Variants in ADAM17 observed in about 807,000 individuals in gnomAD.
ADAM17 encodes disintegrin and metalloproteinase domain-containing protein 17.
In ADAM17, 39 loss-of-function variants were observed where a neutral mutation model predicts 96.7. That is an observed-to-expected ratio of 0.40 (90% CI 0.31 to 0.53). The LOEUF (loss-of-function observed/expected upper bound fraction) is 0.53, where lower values mean the gene tolerates loss of function less well. Ranked by LOEUF, ADAM17 falls within the 20% of genes least tolerant of loss-of-function variation. The pLI, the probability that ADAM17 is intolerant of heterozygous loss-of-function variation, is 0.44. For synonymous variants in ADAM17, 344 were observed against 359.2 expected, an observed-to-expected ratio of 0.96 and a Z score of 0.48; for missense variants, 777 against 1,013.2, an observed-to-expected ratio of 0.77 and a Z score of 3.17.
intron 12 of ADAM17, among the ~76,000 whole-genome samples, 196 bp from the exon 13 acceptor site, chr2:9,502,472 G>A (rs1663064472): frequency 6.6e-6 from 1 of 152,114 alleles, no homozygotes; most frequent in Non-Finnish European, 1.5e-5. Flanking sequence ...ATGTGCGTGA[G>A]GTCACATAAA....
chr2:9,554,506 TTCTG>T (rs1665681939), intron 1 of ADAM17, among the ~76,000 whole-genome samples: 1 of 152,300 alleles, frequency 6.6e-6, no homozygotes, highest in South Asian at 2.1e-4. Flanking sequence ...CCATTACAAT[TTCTG>T]TCCACTAAAT....
Position 9,518,259 on chromosome 2 carries a change from C to CCAAA in ADAM17, c.958-13_958-12insTTTG. Reference sequence around the variant, plus strand: ...TCAAAGCTAAATTGCTTTGAAAGACCAAAAAAAAAAAAAAAAAAAAAAGCA... The same window carrying CCAAA: ...TCAAAGCTAAATTGCTTTGAAAGACCCAAAAAAAAAAAAAAAAAAAAAAAAAGCA... On this transcript the variant is annotated splice_polypyrimidine_tract_variant and intron_variant, in intron 8 of 18. Transcript: ENST00000310823. The CCAAA allele has an allele frequency of 1.2e-6, 1 of 815,396 alleles. No homozygotes were observed. 50.5% of individuals were successfully genotyped at this position (815,396 alleles called of 1,614,324 possible). A position where few individuals can be genotyped will look rare whatever the true frequency, so the allele number is the denominator to read the frequency against.
intron 10 of ADAM17, among the ~76,000 whole-genome samples, chr2:9,511,884 T>G (rs1373836318): frequency 2.0e-5 from 3 of 151,892 alleles, no homozygotes; most frequent in Non-Finnish European, 2.9e-5. Flanking sequence ...GCCAGAAGAA[T>G]TGCTTGAACC....
At chr2:9,514,459 CAT>C (rs1401062487) in intron 10 of ADAM17, among the ~76,000 whole-genome samples, 1 of 139,270 alleles carries the variant, frequency 7.2e-6, no homozygotes, top group Non-Finnish European at 1.5e-5. Context: ...CACATGTATA[CAT>C]ATGTAACAAA....
Position 9,497,094 on chromosome 2 carries a change from C to G in ADAM17, c.1783+20G>C. Reference sequence around the variant, plus strand: ...GGCCATGTTTTCTCCTGCTGCTGGACTGGGAATAAAACTGCTCACCATTAC... The same window carrying G: ...GGCCATGTTTTCTCCTGCTGCTGGAGTGGGAATAAAACTGCTCACCATTAC... On this transcript the variant is annotated intron_variant, in intron 14 of 18. Transcript: ENST00000310823. 1 of 1,609,992 alleles carries G rather than the reference C, an allele frequency of 6.2e-7. No individual in the cohort carries two copies. The highest frequency in any genetic ancestry group is 1.1e-5 in the South Asian group (1 of 90,460).
At chr2:9,518,769 T>C (rs1183803284) in intron 8 of ADAM17, among the ~76,000 whole-genome samples, 1 of 152,124 alleles carries the variant, frequency 6.6e-6, no homozygotes, top group Non-Finnish European at 1.5e-5. Context: ...AGATTTTACA[T>C]CCATTTAAAT....
intron 4 of ADAM17, among the ~76,000 whole-genome samples, chr2:9,530,530 C>T (rs949199216): frequency 2.0e-5 from 3 of 152,052 alleles, no homozygotes; most frequent in Non-Finnish European, 4.4e-5. Flanking sequence ...AAGGCTATTA[C>T]CATTATTACT....
At position 9,515,722 on chromosome 2, in the gene ADAM17, G is replaced by GA. The variant is rs1328055994; in HGVS notation, c.1191+2178dup. On this transcript the variant is annotated intron_variant, in intron 10 of 18. Coordinates refer to ENST00000310823, the MANE Select transcript of ADAM17 (RefSeq NM_003183.6). ...GCACTCCAGCCTGGGTGACAAGAGTGAAACTCCGTCTCCAAAAAAAAAAAA... is the reference window on the plus strand; with the variant it reads ...GCACTCCAGCCTGGGTGACAAGAGTGAAAACTCCGTCTCCAAAAAAAAAAAA... 2.3e-5 allele frequency among the ~76,000 whole-genome samples: 3 copies of GA among 130,424 alleles called. No individual in the cohort carries two copies. The East Asian group carries it at 6.5e-4, about 28-fold the overall frequency. 85.6% of individuals were successfully genotyped at this position (130,424 alleles called of 152,430 possible). A position where few individuals can be genotyped will look rare whatever the true frequency, so the allele number is the denominator to read the frequency against.
intron 4 of ADAM17, among the ~76,000 whole-genome samples, chr2:9,535,471 A>G (rs574061349): frequency 6.6e-6 from 1 of 152,306 alleles, no homozygotes; most frequent in East Asian, 1.9e-4. Context: ...TAGCATTTCC[A>G]GTGTGTCTAG....
intron 14 of ADAM17, chr2:9,496,444 A>AAAGCAAGAGAACTCCCTCATC (rs1438765559): frequency 3.4e-4 from 52 of 152,364 alleles, no homozygotes; most frequent in African/African-American, 1.2e-3. Flanking sequence ...GTCTATTTTG[A>AAAGCAAGAGAACTCCCTCATC]AAGCAAGAGA....
chr2:9,522,626 A>T (rs748428550), intron 7 of ADAM17, among the ~76,000 whole-genome samples: 1 of 152,224 alleles, frequency 6.6e-6, no homozygotes, highest in Non-Finnish European at 1.5e-5. Flanking sequence ...AGCTTGGAAA[A>T]AAATAGAGAT....
Position 9,497,121 on chromosome 2 carries a change from T to G in ADAM17, c.1776A>C (p.Ala592=). Residue 592 remains alanine (A), a synonymous_variant, in exon 14 of 19, where the codon GCA becomes GCC. Coordinates refer to ENST00000310823, the MANE Select transcript of ADAM17 (RefSeq NM_003183.6). ...CEREQQLESC[A]CNETDNSCKV... is the part of the protein sequence containing the mutation. ...GGGAATAAAACTGCTCACCATTACA[T>G]GCACAGGACTCCAGCTGCTGTTCCC... 6.2e-7 allele frequency: 1 copy of G among 1,613,966 alleles called. No homozygotes were observed. Among genetic ancestry groups the G allele is most frequent in the Non-Finnish European group, 8.5e-7 (1 of 1,179,912 alleles).
At chr2:9,502,034 T>C (rs1663035118) in intron 13 of ADAM17, 139 bp downstream of exon 13, 1 of 727,408 alleles carries the variant, frequency 1.4e-6, no homozygotes, top group Non-Finnish European at 2.3e-6. Context: ...TGTCACAAAC[T>C]AAGGAGTGCC....
rs200554494 is a variant in ADAM17 at position 9,493,015 on chromosome 2, T to C, written c.1994-29A>G. ...TGAACAATTCCAAACAGTTAATGTCTTGACCAAGTACTTCACAAATCTAAA... is the reference window on the plus strand; with the variant it reads ...TGAACAATTCCAAACAGTTAATGTCCTGACCAAGTACTTCACAAATCTAAA... On this transcript the variant is annotated intron_variant, in intron 16 of 18. Transcript: ENST00000310823. 3.1e-3 allele frequency: 4,851 copies of C among 1,553,514 alleles called. 19 individuals carry two copies. Among genetic ancestry groups the C allele is most frequent in the Non-Finnish European group, 3.2e-3 (3,679 of 1,135,076 alleles).
In ADAM17 at chr2:9,508,614, A is replaced by G. The variant is rs73151513; in HGVS notation, c.1344+1365T>C. Among the ~76,000 whole-genome samples, 1,217 of 152,294 alleles carry G rather than the reference A, an allele frequency of 8.0e-3. 12 individuals are homozygous for G. Among genetic ancestry groups the G allele is most frequent in the African/African-American group, 0.028 (1,144 of 41,538 alleles). ...TTCCCGTCTCCCATCACAGGCAAAC[A>G]TTATTAAAAATTTAAATAAAATAGA... is the stretch of plus-strand genomic sequence containing the variant. On this transcript the variant is annotated intron_variant, in intron 11 of 18. Transcript: ENST00000310823.
chr2:9,541,524 T>C (rs1221931534), intron 2 of ADAM17, among the ~76,000 whole-genome samples: 5 of 152,068 alleles, frequency 3.3e-5, no homozygotes, highest in Non-Finnish European at 5.9e-5. Context: ...GATCGTGCCA[T>C]TGCACTCCAG....
At position 9,535,925 on chromosome 2, in the gene ADAM17, T is replaced by A. The variant is rs764364634; in HGVS notation, c.362-3A>T. The A allele has an allele frequency of 7.2e-6, 11 of 1,526,602 alleles. No homozygotes were observed. In the East Asian group the frequency reaches 2.6e-4, roughly 35 times the overall value. The allele number at this position is 1,526,602 out of a possible 1,614,324, so 94.6% of individuals were successfully genotyped here. A position where few individuals can be genotyped will look rare whatever the true frequency, so the allele number is the denominator to read the frequency against. Reference sequence around the variant, plus strand: ...TAGAACCCTAGAGTCAGGCTCACCTTAAGAGAAAAAAAAAATTATTATTTA... The same window carrying A: ...TAGAACCCTAGAGTCAGGCTCACCTAAAGAGAAAAAAAAAATTATTATTTA... On this transcript the variant is annotated splice_polypyrimidine_tract_variant and splice_region_variant and intron_variant, in intron 3 of 18. Transcript: ENST00000310823.
At chr2:9,548,397 C>T (rs144299929) in intron 1 of ADAM17, among the ~76,000 whole-genome samples, 2 of 151,338 alleles carry the variant, frequency 1.3e-5, no homozygotes, top group Admixed American at 6.6e-5. Context: ...GGAACAAGAC[C>T]GGAATGTAGG....
Position 9,541,178 on chromosome 2 carries a change from A to AGGAAT in ADAM17, c.230+1970_230+1974dup, listed in dbSNP as rs369201610. Among the ~76,000 whole-genome samples, 99 of 152,370 alleles carry AGGAAT rather than the reference A, an allele frequency of 6.5e-4. 1 individual carries two copies. Among genetic ancestry groups the AGGAAT allele is most frequent in the African/African-American group, 2.4e-3 (98 of 41,590 alleles). ...GTATGTTGTTACAATTCTATGCAATAGGAATATTTATGCAGCTGTTTAAAA... is the reference window on the plus strand; with the variant it reads ...GTATGTTGTTACAATTCTATGCAATAGGAATGGAATATTTATGCAGCTGTTTAAAA... On this transcript the variant is annotated intron_variant, in intron 2 of 18. Coordinates refer to ENST00000310823, the MANE Select transcript of ADAM17 (RefSeq NM_003183.6).
Sources: allele counts gnomAD v4.1 joint callset (sites outside exome capture counted in the v4.1 genomes callset), GRCh38; gene constraint gnomAD v4.1.1; transcripts MANE v1.5; gene names NCBI Gene and HGNC (gene_info 2026-07-23, HGNC 2026-07-21).